The following COQ5 variants were observed in gnomAD, a reference collection of about 807,000 sequenced individuals.
COQ5 encodes 2-methoxy-6-polyprenyl-1,4-benzoquinol methylase, mitochondrial.
In COQ5, 27 loss-of-function variants were observed where a neutral mutation model predicts 40.5. That is an observed-to-expected ratio of 0.67 (90% confidence interval 0.49 to 0.92). The LOEUF (loss-of-function observed/expected upper bound fraction) is 0.92. Among genes scored for constraint, COQ5 ranks in the 40% least tolerant of loss-of-function variants. The pLI is 0.00. For synonymous variants in COQ5, 141 were observed against 150.0 expected (o/e 0.94, Z 0.44); for missense variants, 409 against 406.4 (o/e 1.01, Z -0.06).
Position 120,510,044 on chromosome 12 carries a change from C to T in COQ5, c.654G>A (p.Gly218=). 6.2e-7 allele frequency: 1 copy of T among 1,614,076 alleles called. No homozygotes were observed. Among genetic ancestry groups the T allele is most frequent in the Non-Finnish European group, 8.5e-7 (1 of 1,179,956 alleles). The part of the protein sequence containing the change: ...DKFDIYTIAF[G]IRNVTHIDQA... ...GATCAATGTGTGTGACATTCCGGAT[C>T]CCAAAGGCAATGGTGTAAATATCAA... The change falls in exon 4 of 7, where the codon GGG becomes GGA. Residue 218 remains glycine, a synonymous_variant. Transcript: ENST00000288532.
At chr12:120,521,751 C>T (rs987686915) in intron 2 of COQ5, among the ~76,000 whole-genome samples, 1 of 151,534 alleles carries the variant, frequency 6.6e-6, no homozygotes, top group African/African-American at 2.4e-5. Context: ...AATCCCAGCA[C>T]TTTGGGAGGC....
intron 1 of COQ5, among the ~76,000 whole-genome samples, chr12:120,524,600 C>G (rs1351414130): frequency 6.6e-6 from 1 of 152,082 alleles, no homozygotes; most frequent in African/African-American, 2.4e-5. Context: ...AGTTTCTCTG[C>G]CCGTAAGACG....
In COQ5 at chr12:120,529,099, G is replaced by A; in HGVS notation, c.43C>T (p.Arg15Cys). Residue 15 changes from arginine to cysteine, a missense_variant, in exon 1 of 7, where the codon CGT (arginine) becomes TGT (cysteine). Transcript: ENST00000288532. ...GSCALWSYCGRGWSRAMRGCQ... is the reference protein window; with the variant it reads ...GSCALWSYCGCGWSRAMRGCQ... Reference sequence around the variant, plus strand: ...CCCCGCATCGCCCGCGACCACCCACGGCCGCAATAGCTCCATAGAGCACAG... The same window carrying A: ...CCCCGCATCGCCCGCGACCACCCACAGCCGCAATAGCTCCATAGAGCACAG... The A allele has an allele frequency of 2.5e-6, 4 of 1,614,082 alleles. No homozygotes were observed. The highest frequency in any genetic ancestry group is 2.2e-5 in the East Asian group (1 of 44,864).
At chr12:120,524,753 G>A (rs1289392825) in intron 1 of COQ5, among the ~76,000 whole-genome samples, 4 of 151,818 alleles carry the variant, frequency 2.6e-5, no homozygotes, top group Admixed American at 6.6e-5. Context: ...TACAGAGCCC[G>A]CCTTTAACTC....
chr12:120,519,575 G>A (rs1869545297), intron 2 of COQ5, among the ~76,000 whole-genome samples: 1 of 150,652 alleles, frequency 6.6e-6, no homozygotes, highest in South Asian at 2.1e-4. Context: ...AAAAAGAATT[G>A]AAAATGTGGG....
chr12:120,517,844 G>A (rs142834273), intron 2 of COQ5, among the ~76,000 whole-genome samples: 6,835 of 148,422 alleles, frequency 0.046, 255 homozygotes, highest in South Asian at 0.1. Flanking sequence ...TTCTGCTCTT[G>A]TTGCCCAGGC....
intron 1 of COQ5, chr12:120,522,947 C>A (rs1185629986): frequency 3.2e-6 from 2 of 622,960 alleles, no homozygotes; most frequent in African/African-American, 1.8e-5. Context: ...TGTTGGCCTG[C>A]ATCTTTTTTA....
Position 120,504,849 on chromosome 12 carries a change from A to C in COQ5, c.770+46T>G, listed in dbSNP as rs35267083. On this transcript the variant is annotated intron_variant, in intron 5 of 6. Transcript: ENST00000288532. ...ATTTTCAATCCATTTCGGGGTGGGA[A>C]ACCTTGGCTATACAATGAAGATAAA... 6.1e-3 allele frequency: 9,189 copies of C among 1,518,160 alleles called. 51 individuals carry two copies. Among genetic ancestry groups the C allele is most frequent in the Non-Finnish European group, 7.7e-3 (8,401 of 1,092,730 alleles). 94.0% of individuals were successfully genotyped at this position (1,518,160 alleles called of 1,614,324 possible). A position where few individuals can be genotyped will look rare whatever the true frequency, so the allele number is the denominator to read the frequency against.
intron 3 of COQ5, among the ~76,000 whole-genome samples, chr12:120,512,335 GC>G (rs1318663624): frequency 6.6e-6 from 1 of 152,202 alleles, no homozygotes; most frequent in African/African-American, 2.4e-5. Context: ...GGGCGCGGTG[GC>G]TCATGCCTGT....
At chr12:120,521,795 G>A (rs1046276643) in intron 2 of COQ5, among the ~76,000 whole-genome samples, 1 of 151,746 alleles carries the variant, frequency 6.6e-6, no homozygotes, top group Non-Finnish European at 1.5e-5. Flanking sequence ...TCAGGAGTTC[G>A]AGACCAGCCT....
chr12:120,504,467 T>C (rs1868791898), intron 5 of COQ5: 3 of 273,334 alleles, frequency 1.1e-5, no homozygotes, highest in Admixed American at 5.0e-5. Flanking sequence ...AGGCTGGTCT[T>C]GAACTCCTGG....
At chr12:120,522,614 G>A (rs369347358) in intron 1 of COQ5, 1 of 651,802 alleles carries the variant, frequency 1.5e-6, no homozygotes, top group East Asian at 2.5e-5. Context: ...GGCAGTCCAG[G>A]GGGGTCACAC....
intron 3 of COQ5, among the ~76,000 whole-genome samples, chr12:120,515,524 C>T (rs1286143853): frequency 6.6e-6 from 1 of 152,142 alleles, no homozygotes; most frequent in African/African-American, 2.4e-5. Flanking sequence ...GTACTGTTCA[C>T]GAGTGTTTCT....
chr12:120,510,249 C>G (rs1869067270), intron 3 of COQ5, 126 bp from the exon 4 acceptor site: 2 of 731,142 alleles, frequency 2.7e-6, no homozygotes, highest in African/African-American at 1.7e-5. Context: ...TGCCTGGATT[C>G]TAATCCCAGC....
chr12:120,523,977 T>C (rs763486610), intron 1 of COQ5: 1 of 376,670 alleles, frequency 2.7e-6, no homozygotes, highest in South Asian at 1.8e-5. Flanking sequence ...ACCACTGCAT[T>C]CCAGCCTGGG....
At chr12:120,509,275 G>C (rs1407139018) in intron 4 of COQ5, among the ~76,000 whole-genome samples, 1 of 152,078 alleles carries the variant, frequency 6.6e-6, no homozygotes, top group Non-Finnish European at 1.5e-5. Flanking sequence ...CCAGCATTTT[G>C]GGAGGCTGAG....
intron 4 of COQ5, among the ~76,000 whole-genome samples, chr12:120,506,760 G>C (rs754779573): frequency 3.9e-5 from 6 of 152,110 alleles, no homozygotes; most frequent in Non-Finnish European, 5.9e-5. Context: ...TTGCTTCTCT[G>C]CTTTCTTCAG....
intron 3 of COQ5, among the ~76,000 whole-genome samples, chr12:120,513,396 G>A (rs1367006908): frequency 4.0e-5 from 6 of 151,094 alleles, no homozygotes; most frequent in African/African-American, 4.8e-5. Flanking sequence ...CAGCTGCTGC[G>A]GAGGCTGAGG....
intron 1 of COQ5, chr12:120,526,369 A>G: frequency 2.4e-6 from 1 of 412,134 alleles, no homozygotes; most frequent in South Asian, 1.8e-5. Context: ...GTTATAGGAG[A>G]AATAGATGAC....
Sources: allele counts gnomAD v4.1 joint callset (sites outside exome capture counted in the v4.1 genomes callset), GRCh38; gene constraint gnomAD v4.1.1; transcripts MANE v1.5; gene names NCBI Gene and HGNC (gene_info 2026-07-23, HGNC 2026-07-21).